ITIH1: variants seen among roughly 807,000 people sequenced by gnomAD.
ITIH1 encodes the protein inter-alpha-trypsin inhibitor heavy chain H1.
In ITIH1, 94 loss-of-function variants were observed where a neutral mutation model predicts 104.6. The ratio of observed to expected loss-of-function variants is 0.90; its 90% CI spans 0.76 to 1.07. ITIH1 has a LOEUF of 1.07. Among genes scored for constraint, ITIH1 ranks in the 50% least tolerant of loss-of-function variants. The probability of loss-of-function intolerance (pLI) is 0.00; values close to 1 mark genes in which losing one functional copy is unlikely to be tolerated. For missense variants in ITIH1, 1,193 were observed against 1,181.4 expected (o/e 1.01, Z -0.14); for synonymous variants, 455 against 464.4 (o/e 0.98, Z 0.26).
chr3:52,778,283 G>T, intron 2 of ITIH1, 57 bp from the exon 3 acceptor site: 1 of 1,558,330 alleles, frequency 6.4e-7, no homozygotes, highest in Non-Finnish European at 8.8e-7. Context: ...ACCACAGGAA[G>T]TCCCTCGCTG....
In ITIH1 at chr3:52,781,294, TC is replaced by T. The variant is rs1189114891; in HGVS notation, c.688-645del. ...TTCTTCTTCTTCTTCTTCCTCTTCTTCTTCTTCTGCTTCTTCTTCTCCTTCT... is the reference window on the plus strand; with the variant it reads ...TTCTTCTTCTTCTTCTTCCTCTTCTTTTCTTCTGCTTCTTCTTCTCCTTCT... On this transcript the variant is annotated intron_variant, in intron 6 of 21. Transcript: ENST00000273283. Among the ~76,000 whole-genome samples the T allele has an allele frequency of 2.5e-3, 304 of 120,238 alleles. 14 individuals are homozygous for T. The highest frequency in any genetic ancestry group is 8.1e-3 in the African/African-American group (287 of 35,268). 78.9% of individuals were successfully genotyped at this position (120,238 alleles called of 152,430 possible).
intron 6 of ITIH1, 113 bp from the exon 7 acceptor site, chr3:52,781,827 C>G: frequency 7.1e-7 from 1 of 1,400,192 alleles, no homozygotes; most frequent in Non-Finnish European, 9.8e-7. Context: ...ACTCGTTTCT[C>G]TGTCCGTGCA....
Position 52,784,311 on chromosome 3 carries a change from C to A in ITIH1, c.1241C>A (p.Ser414Tyr). 6.2e-7 allele frequency: 1 copy of A among 1,613,684 alleles called. No homozygotes were observed. The highest frequency in any genetic ancestry group is 8.5e-7 in the Non-Finnish European group (1 of 1,179,776). Residue 414 changes from serine (S) to tyrosine (Y), a missense_variant, in exon 11 of 22, where the codon TCC becomes TAC. Coordinates refer to ENST00000273283, the MANE Select transcript of ITIH1 (RefSeq NM_002215.4). ...TGGCTTGCAGGGGTGACGGACCGTT[C>A]CCAAATCCTCAAGAACGTCCGCAAC... Reference protein sequence around the residue: ...GDPTEGVTDRSQILKNVRNAI... With the variant: ...GDPTEGVTDRYQILKNVRNAI...
At position 52,788,035 on chromosome 3, in the gene ITIH1, T is replaced by C. The variant is rs1699247472; in HGVS notation, c.1974T>C (p.Asn658=). ...LQPSPTHSSS[N]TQRLPDRVTG... is the part of the protein sequence containing the mutation. Reference sequence around the variant, plus strand: ...CTTCTCCTACTCATTCCAGCTCCAATACCCAGCGGCTGCCAGACCGAGTGA... The same window carrying C: ...CTTCTCCTACTCATTCCAGCTCCAACACCCAGCGGCTGCCAGACCGAGTGA... The change falls in exon 17 of 22, where the codon AAT becomes AAC. Residue 658 remains asparagine (N), a synonymous_variant. Coordinates refer to ENST00000273283, the MANE Select transcript of ITIH1 (RefSeq NM_002215.4). 2 of 1,611,894 alleles carry C rather than the reference T, an allele frequency of 1.2e-6. No homozygotes were observed. Among genetic ancestry groups the C allele is most frequent in the Non-Finnish European group, 1.7e-6 (2 of 1,178,794 alleles).
chr3:52,791,927 C>T lies in ITIH1; in HGVS notation c.*16C>T, dbSNP rs373270177. The stretch of plus-strand genomic sequence containing the variant: ...CATCTTCTGAGCCCTCTGGCCAGCA[C>T]GCCTGTCCTCCCCCGGGGCCAAGGC... On this transcript the variant is annotated 3_prime_UTR_variant, in exon 22 of 22. Coordinates refer to ENST00000273283, the MANE Select transcript of ITIH1 (RefSeq NM_002215.4). 7.7e-5 allele frequency: 123 copies of T among 1,603,846 alleles called. No homozygotes were observed. Among genetic ancestry groups the T allele is most frequent in the Middle Eastern group, 1.7e-4 (1 of 5,976 alleles).
chr3:52,784,950 A>C, intron 11 of ITIH1, 94 bp from the exon 12 acceptor site: 1 of 1,291,082 alleles, frequency 7.7e-7, no homozygotes, highest in Non-Finnish European at 1.1e-6. Flanking sequence ...TTCCTTCTCT[A>C]ACTTGGGAAT....
chr3:52,780,244 A>G, intron 5 of ITIH1, 25 bp from the exon 6 acceptor site: 1 of 1,552,526 alleles, frequency 6.4e-7, no homozygotes. Context: ...TTTTTTTAAA[A>G]AAATAATTTG....
intron 20 of ITIH1, 59 bp from the exon 21 acceptor site, chr3:52,791,458 G>A (rs1699353431): frequency 1.4e-6 from 2 of 1,402,156 alleles, no homozygotes; most frequent in African/African-American, 1.4e-5. Flanking sequence ...CACCTGCTGA[G>A]TGCAGGGCAG....
intron 16 of ITIH1, 98 bp downstream of exon 16, chr3:52,787,710 C>A: frequency 1.5e-6 from 2 of 1,351,508 alleles, no homozygotes; most frequent in South Asian, 1.2e-5. Flanking sequence ...CACTGCTTGT[C>A]ACTGGGAATC....
At chr3:52,787,304 C>T in intron 15 of ITIH1, 102 bp downstream of exon 15, 1 of 1,471,554 alleles carries the variant, frequency 6.8e-7, no homozygotes, top group Non-Finnish European at 9.5e-7. Context: ...CCATTCTTCC[C>T]TGACTCCACT....
Position 52,786,299 on chromosome 3 carries a change from G to A in ITIH1, c.1598G>A (p.Gly533Glu). The A allele has an allele frequency of 4.5e-6, 7 of 1,568,516 alleles. No individual in the cohort carries two copies. The highest frequency in any genetic ancestry group is 6.1e-6 in the Non-Finnish European group (7 of 1,155,360). Residue 533 changes from glycine to glutamate, a missense_variant, in exon 13 of 22, where the codon GGA (glycine) becomes GAA (glutamate). Gly to Glu is a moderately conservative substitution (Grantham distance 98). Coordinates refer to ENST00000273283, the MANE Select transcript of ITIH1 (RefSeq NM_002215.4). ...FKADVQAHGEGQEFSITCLVD... is the reference protein window; with the variant it reads ...FKADVQAHGEEQEFSITCLVD... ...TCTCTGTACCTCAACTCTCAGGAGG[G>A]ACAAGAATTCAGTATAACCTGCCTA...
rs755641259 is a variant in ITIH1 at position 52,783,191 on chromosome 3, G to A, written c.1100-23G>A. ...TCCCCTCAGAATGAGGGCATACACT[G>A]GTCTGCTTTCTCTTCCTTGCAGCCA... On this transcript the variant is annotated intron_variant, in intron 9 of 21. Transcript: ENST00000273283. 13 of 1,613,954 alleles carry A rather than the reference G, an allele frequency of 8.1e-6. No homozygotes were observed. In the Admixed American group the frequency reaches 2.0e-4, roughly 25 times the overall value.
rs931440200 is a variant in ITIH1 at position 52,787,975 on chromosome 3, C to G, written c.1925-11C>G. 37 of 1,589,694 alleles carry G rather than the reference C, an allele frequency of 2.3e-5. No homozygotes were observed. Among genetic ancestry groups the G allele is most frequent in the Non-Finnish European group, 2.3e-5 (27 of 1,164,714 alleles). On this transcript the variant is annotated splice_polypyrimidine_tract_variant and intron_variant, in intron 16 of 21. Coordinates refer to ENST00000273283, the MANE Select transcript of ITIH1 (RefSeq NM_002215.4). Reference sequence around the variant, plus strand: ...TGCCCCGCTTCTAAATGCCACTCCCCCTCCCATCAGCGTTCGTGCTGTCAG... The same window carrying G: ...TGCCCCGCTTCTAAATGCCACTCCCGCTCCCATCAGCGTTCGTGCTGTCAG...
In ITIH1 at chr3:52,779,438, G is replaced by A. The variant is rs150075205; in HGVS notation, c.417G>A (p.Ser139=). The change falls in exon 5 of 22, where the codon TCG becomes TCA. Residue 139 remains serine (S), a synonymous_variant. Transcript: ENST00000273283. The surrounding 1 kb of genome is among the most constrained non-coding windows in gnomAD (Gnocchi z 4.4). ...SGENAGLVRA[S]GRTMEQFTIH... ...CCTCTGGTGGCACATCCAGGGCCTC[G>A]GGGAGAACTATGGAGCAATTCACCA... is the stretch of plus-strand genomic sequence containing the variant. The A allele has an allele frequency of 2.5e-5, 41 of 1,614,078 alleles. No homozygotes were observed. The highest frequency in any genetic ancestry group is 2.4e-4 in the African/African-American group (18 of 74,912).
At chr3:52,786,924 C>T in intron 13 of ITIH1, 21 bp from the exon 14 acceptor site, 1 of 1,593,464 alleles carries the variant, frequency 6.3e-7, no homozygotes, top group Middle Eastern at 1.7e-4. Context: ...GGCTTGGAGC[C>T]AGCCTCTGTC....
At chr3:52,788,780 C>G (rs1442396415) in intron 18 of ITIH1, among the ~76,000 whole-genome samples, 2 of 152,154 alleles carry the variant, frequency 1.3e-5, no homozygotes, top group South Asian at 4.1e-4. Flanking sequence ...TGGTTGGTCT[C>G]AAACTCCTGA....
chr3:52,780,426 T>C, intron 6 of ITIH1, 44 bp downstream of exon 6: 1 of 1,354,288 alleles, frequency 7.4e-7, no homozygotes, highest in Middle Eastern at 2.1e-4. Context: ...CTTTGGAGAC[T>C]TCTCAGCCTG....
intron 15 of ITIH1, 58 bp downstream of exon 15, chr3:52,787,260 G>T: frequency 6.2e-7 from 1 of 1,608,512 alleles, no homozygotes; most frequent in Non-Finnish European, 8.5e-7. Context: ...GCAGGTGGCA[G>T]GTGCTCCAGC....
chr3:52,787,032 C>G lies in ITIH1; in HGVS notation c.1821C>G (p.Thr607=). 11 of 1,614,136 alleles carry G rather than the reference C, an allele frequency of 6.8e-6. No individual in the cohort carries two copies. The highest frequency in any genetic ancestry group is 9.3e-6 in the Non-Finnish European group (11 of 1,179,998). The part of the protein sequence containing the change: ...SLDYGFVTPL[T]SMSIRGMADQ... Reference sequence around the variant, plus strand: ...ACTATGGGTTTGTGACCCCACTGACCTCCATGAGCATCAGGGGCATGGCGG... The same window carrying G: ...ACTATGGGTTTGTGACCCCACTGACGTCCATGAGCATCAGGGGCATGGCGG... The change falls in exon 14 of 22, where the codon ACC becomes ACG. Residue 607 remains threonine, a synonymous_variant. Coordinates refer to ENST00000273283, the MANE Select transcript of ITIH1 (RefSeq NM_002215.4).
Sources: allele counts gnomAD v4.1 joint callset (sites outside exome capture counted in the v4.1 genomes callset), GRCh38; gene constraint gnomAD v4.1.1; non-coding constraint Gnocchi (gnomAD v3.1); transcripts MANE v1.5; gene names NCBI Gene and HGNC (gene_info 2026-07-23, HGNC 2026-07-21).